GRM5: variants seen among roughly 807,000 people sequenced by gnomAD.
The protein encoded by GRM5 is metabotropic glutamate receptor 5.
In GRM5, 19 loss-of-function variants were observed where a neutral mutation model predicts 83.1. The observed-to-expected ratio is 0.23, with a 90% confidence interval of 0.16 to 0.34. The LOEUF is 0.34. Among genes scored for constraint, GRM5 ranks in the 10% least tolerant of loss-of-function variants. The pLI, the probability that GRM5 is intolerant of heterozygous loss-of-function variation, is 1.00. For synonymous variants in GRM5, 675 were observed against 633.6 expected, an observed-to-expected ratio of 1.07 and a Z score of -0.98; for missense variants, 1,160 against 1,588.3, an observed-to-expected ratio of 0.73 and a Z score of 4.58.
chr11:88,801,940 G>A (rs1043866847), intron 3 of GRM5, among the ~76,000 whole-genome samples: 12 of 152,016 alleles, frequency 7.9e-5, no homozygotes, highest in African/African-American at 2.9e-4. Context: ...ACACCCATGT[G>A]GATGATGCAA....
At chr11:88,589,657 A>G (rs1263453045) in intron 7 of GRM5, among the ~76,000 whole-genome samples, 1 of 152,188 alleles carries the variant, frequency 6.6e-6, no homozygotes, top group Non-Finnish European at 1.5e-5. Flanking sequence ...CCACTAGACA[A>G]CCTGACATAC....
intron 3 of GRM5, among the ~76,000 whole-genome samples, chr11:88,768,371 T>G (rs891259589): frequency 3.0e-4 from 46 of 152,022 alleles, no homozygotes; most frequent in African/African-American, 1.1e-3. Flanking sequence ...TAATTCCATT[T>G]ATATTAGGTA....
intron 7 of GRM5, among the ~76,000 whole-genome samples, chr11:88,572,215 A>G (rs926376948): frequency 2.0e-5 from 3 of 152,190 alleles, no homozygotes; most frequent in African/African-American, 7.2e-5. Context: ...TGAAAATAAG[A>G]GACATGGAAA....
intron 2 of GRM5, among the ~76,000 whole-genome samples, chr11:88,914,232 A>T (rs1349981787): frequency 6.6e-6 from 1 of 152,148 alleles, no homozygotes; most frequent in Non-Finnish European, 1.5e-5. Flanking sequence ...AGAGTGACAG[A>T]GGGTGCTCAA....
intron 3 of GRM5, among the ~76,000 whole-genome samples, chr11:88,744,786 C>A (rs939350752): frequency 6.6e-6 from 1 of 152,112 alleles, no homozygotes; most frequent in Non-Finnish European, 1.5e-5. Flanking sequence ...ATCAGAAGTA[C>A]TTTCGAGAAT....
chr11:89,031,294 T>C (rs1941256181), intron 2 of GRM5, among the ~76,000 whole-genome samples: 1 of 151,962 alleles, frequency 6.6e-6, no homozygotes. Context: ...TTATAAGTAA[T>C]AAATCTTAAA....
At chr11:88,862,991 G>A (rs1944592982) in intron 2 of GRM5, among the ~76,000 whole-genome samples, 1 of 152,154 alleles carries the variant, frequency 6.6e-6, no homozygotes, top group Non-Finnish European at 1.5e-5. Context: ...TATTTATGCA[G>A]CCAACAAAGA....
intron 2 of GRM5, among the ~76,000 whole-genome samples, chr11:88,946,390 T>C (rs1313699806): frequency 1.3e-5 from 2 of 152,080 alleles, no homozygotes; most frequent in Admixed American, 1.3e-4. Flanking sequence ...TAGGTATATA[T>C]CCAAAACAAA....
chr11:88,883,528 G>A (rs1944994793), intron 2 of GRM5, among the ~76,000 whole-genome samples: 2 of 152,116 alleles, frequency 1.3e-5, no homozygotes, highest in Non-Finnish European at 2.9e-5. Flanking sequence ...TAAAAGTTTG[G>A]AAAATTTTCA....
At chr11:88,801,624 A>G (rs1943395731) in intron 3 of GRM5, among the ~76,000 whole-genome samples, 2 of 152,162 alleles carry the variant, frequency 1.3e-5, no homozygotes, top group Admixed American at 6.6e-5. Context: ...CATAAATTGT[A>G]TGAGTTAAAA....
intron 3 of GRM5, among the ~76,000 whole-genome samples, chr11:88,781,951 C>T (rs1232027201): frequency 1.3e-5 from 2 of 152,098 alleles, no homozygotes; most frequent in African/African-American, 4.8e-5. Flanking sequence ...ACTTGATTTC[C>T]AAGCATTCCT....
intron 2 of GRM5, among the ~76,000 whole-genome samples, chr11:88,859,976 AT>A (rs1944534502): frequency 6.6e-6 from 1 of 152,160 alleles, no homozygotes; most frequent in African/African-American, 2.4e-5. Context: ...GTCCTGTAAA[AT>A]AAGAGGGGGC....
intron 3 of GRM5, among the ~76,000 whole-genome samples, chr11:88,705,761 C>T (rs1941141840): frequency 6.6e-6 from 1 of 151,830 alleles, no homozygotes; most frequent in Non-Finnish European, 1.5e-5. Flanking sequence ...TATCTCTCCT[C>T]TATGTTTCTC....
intron 2 of GRM5, among the ~76,000 whole-genome samples, chr11:88,994,331 A>C (rs1240532154): frequency 6.6e-6 from 1 of 151,642 alleles, no homozygotes; most frequent in Non-Finnish European, 1.5e-5. Context: ...CATTAAATGC[A>C]ATCCCTATCA....
At chr11:89,060,280 A>ATT (rs1469327928) in intron 1 of GRM5, among the ~76,000 whole-genome samples, 3 of 137,340 alleles carry the variant, frequency 2.2e-5, no homozygotes, top group African/African-American at 7.8e-5. Context: ...ATATATATAT[A>ATT]TATATACACA....
At position 89,044,557 on chromosome 11, in the gene GRM5, A is replaced by G. The variant is rs558826025; in HGVS notation, c.661+2655T>C. 1.1e-4 allele frequency among the ~76,000 whole-genome samples: 16 copies of G among 152,308 alleles called. No homozygotes were observed. In the South Asian group the frequency reaches 3.3e-3, roughly 32 times the overall value. On this transcript the variant is annotated intron_variant, in intron 2 of 9. Coordinates refer to ENST00000305447, the MANE Select transcript of GRM5 (RefSeq NM_001143831.3). ...GGTTAGGTTTAAGTATAAAACACAT[A>G]GGCAATTAGGAGAAAAAATGTTTTT...
At chr11:88,913,342 A>G (rs564887059) in intron 2 of GRM5, among the ~76,000 whole-genome samples, 1 of 152,150 alleles carries the variant, frequency 6.6e-6, no homozygotes, top group South Asian at 2.1e-4. Flanking sequence ...TGAGCCCAAG[A>G]AGGCAAACTC....
chr11:88,604,927 G>A lies in GRM5; in HGVS notation c.1185C>T (p.Ser395=). 6.2e-7 allele frequency: 1 copy of A among 1,612,678 alleles called. No homozygotes were observed. The highest frequency in any genetic ancestry group is 8.5e-7 in the Non-Finnish European group (1 of 1,178,748). ...LTLKTHHVQD[S]KMGFVINAIY... Reference sequence around the variant, plus strand: ...TGGCGTTGATCACAAATCCCATTTTGGAATCCTGAACATGATGTGTTTTCA... The same window carrying A: ...TGGCGTTGATCACAAATCCCATTTTAGAATCCTGAACATGATGTGTTTTCA... Residue 395 remains serine, a synonymous_variant, in exon 5 of 10, where the codon TCC becomes TCT. Coordinates refer to ENST00000305447, the MANE Select transcript of GRM5 (RefSeq NM_001143831.3).
At chr11:89,020,969 C>T (rs1157763212) in intron 2 of GRM5, among the ~76,000 whole-genome samples, 2 of 152,142 alleles carry the variant, frequency 1.3e-5, no homozygotes, top group Non-Finnish European at 2.9e-5. Flanking sequence ...AAGGCTATTT[C>T]CTTTCCAATA....
Sources: allele counts gnomAD v4.1 joint callset (sites outside exome capture counted in the v4.1 genomes callset), GRCh38; gene constraint gnomAD v4.1.1; transcripts MANE v1.5; gene names NCBI Gene and HGNC (gene_info 2026-07-23, HGNC 2026-07-21).